Variants in LRRTM3 observed in about 807,000 individuals in gnomAD.
LRRTM3 encodes the protein leucine-rich repeat transmembrane neuronal protein 3.
A neutral mutation model predicts 44.7 loss-of-function variants in LRRTM3; 24 were observed. The ratio of observed to expected loss-of-function variants is 0.54; its 90% CI spans 0.39 to 0.76. The LOEUF (loss-of-function observed/expected upper bound fraction) is 0.76, where lower values mean the gene tolerates loss of function less well. Among genes scored for constraint, LRRTM3 ranks in the 30% least tolerant of loss-of-function variants. The probability of loss-of-function intolerance (pLI) is 0.00; values close to 1 mark genes in which losing one functional copy is unlikely to be tolerated. For synonymous variants in LRRTM3, 277 were observed against 278.7 expected (o/e 0.99, Z 0.06); for missense variants, 587 against 702.2 (o/e 0.84, Z 1.85).
chr10:66,986,133 T>G (rs1204475441), intron 2 of LRRTM3, among the ~76,000 whole-genome samples: 1 of 152,202 alleles, frequency 6.6e-6, no homozygotes, highest in Non-Finnish European at 1.5e-5. Flanking sequence ...GCCTGTCTGG[T>G]TAATCAGTAT....
At chr10:67,017,819 G>C (rs780130145) in intron 2 of LRRTM3, among the ~76,000 whole-genome samples, 1 of 151,960 alleles carries the variant, frequency 6.6e-6, no homozygotes, top group Non-Finnish European at 1.5e-5. Context: ...ACCCAGGCTG[G>C]AATATAGTGG....
intron 2 of LRRTM3, among the ~76,000 whole-genome samples, chr10:66,967,593 G>A (rs1486620907): frequency 6.6e-6 from 1 of 151,868 alleles, no homozygotes; most frequent in Non-Finnish European, 1.5e-5. Context: ...ACCATATGAG[G>A]CGGGACTATG....
At chr10:67,018,533 A>G (rs1164911722) in intron 2 of LRRTM3, among the ~76,000 whole-genome samples, 1 of 152,204 alleles carries the variant, frequency 6.6e-6, no homozygotes, top group African/African-American at 2.4e-5. Flanking sequence ...ACCTTTAAAT[A>G]AGGTTTCAAT....
intron 2 of LRRTM3, among the ~76,000 whole-genome samples, chr10:67,058,862 T>C (rs1199939611): frequency 1.3e-5 from 2 of 152,154 alleles, no homozygotes; most frequent in East Asian, 3.9e-4. Context: ...ATTTCTAAGA[T>C]CATAAAATGA....
At chr10:67,038,787 T>G (rs951664217) in intron 2 of LRRTM3, among the ~76,000 whole-genome samples, 2 of 152,078 alleles carry the variant, frequency 1.3e-5, no homozygotes, top group Admixed American at 6.5e-5. Context: ...AATGTCTCTC[T>G]TTATATTGTC....
At chr10:67,043,249 A>T (rs992893248) in intron 2 of LRRTM3, among the ~76,000 whole-genome samples, 27 of 151,690 alleles carry the variant, frequency 1.8e-4, no homozygotes, top group African/African-American at 5.8e-4. Context: ...CATCCCACAG[A>T]TGATGAATGG....
chr10:67,073,145 CT>C (rs772421778), intron 2 of LRRTM3, among the ~76,000 whole-genome samples: 33 of 152,254 alleles, frequency 2.2e-4, no homozygotes, highest in Non-Finnish European at 3.1e-4. Flanking sequence ...AATTTTAGTT[CT>C]TTTAGTCCTT....
chr10:67,025,607 CT>C (rs1427048416), intron 2 of LRRTM3, among the ~76,000 whole-genome samples: 8 of 152,116 alleles, frequency 5.3e-5, no homozygotes, highest in Admixed American at 3.3e-4. Context: ...TCTTTAACCC[CT>C]GGAGGAAGAA....
chr10:66,962,150 G>A (rs1291010551), intron 2 of LRRTM3, among the ~76,000 whole-genome samples: 2 of 152,086 alleles, frequency 1.3e-5, no homozygotes, highest in South Asian at 2.1e-4. Flanking sequence ...TCACTTTCCT[G>A]TTCAAAACCC....
intron 2 of LRRTM3, among the ~76,000 whole-genome samples, chr10:67,055,230 T>G (rs1315596580): frequency 6.6e-6 from 1 of 152,210 alleles, no homozygotes; most frequent in African/African-American, 2.4e-5. Flanking sequence ...GAACATAAGT[T>G]TGTTTTTTAT....
At chr10:67,069,217 A>C (rs1301444696) in intron 2 of LRRTM3, among the ~76,000 whole-genome samples, 1 of 152,094 alleles carries the variant, frequency 6.6e-6, no homozygotes, top group Non-Finnish European at 1.5e-5. Flanking sequence ...AAATATGCAG[A>C]TGAATGATCA....
chr10:67,063,137 C>T (rs950262615), intron 2 of LRRTM3, among the ~76,000 whole-genome samples: 8 of 152,066 alleles, frequency 5.3e-5, no homozygotes, highest in Admixed American at 1.3e-4. Flanking sequence ...ATCAGACTAC[C>T]AGGAAAACAT....
At chr10:67,047,711 T>TA (rs1445143704) in intron 2 of LRRTM3, among the ~76,000 whole-genome samples, 1 of 152,110 alleles carries the variant, frequency 6.6e-6, no homozygotes, top group Non-Finnish European at 1.5e-5. Flanking sequence ...CATACTAAAA[T>TA]AATTAGTGTA....
intron 2 of LRRTM3, among the ~76,000 whole-genome samples, chr10:67,064,186 G>C (rs180983537): frequency 1.3e-5 from 2 of 152,064 alleles, no homozygotes; most frequent in Non-Finnish European, 1.5e-5. Flanking sequence ...TACATCATTA[G>C]AACATTTGAA....
intron 2 of LRRTM3, among the ~76,000 whole-genome samples, chr10:66,964,755 A>T (rs1481197003): frequency 6.6e-6 from 1 of 152,146 alleles, no homozygotes; most frequent in Non-Finnish European, 1.5e-5. Flanking sequence ...ATAAGGCAGC[A>T]TGGAAGTAGG....
chr10:67,092,972 C>A (rs1246790127), intron 2 of LRRTM3, among the ~76,000 whole-genome samples: 1 of 151,964 alleles, frequency 6.6e-6, no homozygotes, highest in East Asian at 1.9e-4. Flanking sequence ...CATGATAATG[C>A]TTTCTAGAGA....
chr10:66,942,548 G>GTCTCTC lies in LRRTM3; in HGVS notation c.1536+14120_1536+14125dup, dbSNP rs67598003. Among the ~76,000 whole-genome samples the GTCTCTC allele has an allele frequency of 7.6e-3, 1,132 of 148,110 alleles. 15 individuals are homozygous for GTCTCTC. Among genetic ancestry groups the GTCTCTC allele is most frequent in the African/African-American group, 0.027 (1,080 of 40,428 alleles). On this transcript the variant is annotated intron_variant, in intron 2 of 2. Transcript: ENST00000361320. ...TCTCTCTTTAAAACATTGCCATAAT[G>GTCTCTC]TCTCTCTCTCTCTCTCTCTCTCTCT...
chr10:66,993,154 T>C (rs956291561), intron 2 of LRRTM3, among the ~76,000 whole-genome samples: 168 of 152,250 alleles, frequency 1.1e-3, no homozygotes, highest in African/African-American at 3.6e-3. Flanking sequence ...AGCTGACAAA[T>C]GGGAGCTCAG....
At chr10:67,066,341 C>T (rs541621366) in intron 2 of LRRTM3, among the ~76,000 whole-genome samples, 14 of 151,868 alleles carry the variant, frequency 9.2e-5, no homozygotes, top group African/African-American at 3.1e-4. Flanking sequence ...TACAGGTGTG[C>T]GCCACCACAT....
Sources: gnomAD v4.1 joint callset for allele counts (sites outside exome capture counted in the v4.1 genomes callset) on GRCh38, gnomAD v4.1.1 for gene constraint, MANE v1.5 for transcripts, NCBI Gene and HGNC (gene_info 2026-07-23, HGNC 2026-07-21) for gene names.